ATPSCKMT: variants seen among roughly 807,000 people sequenced by gnomAD.
The protein encoded by ATPSCKMT is ATP synthase subunit C lysine N-methyltransferase.
ATPSCKMT carries 24 observed loss-of-function variants against 24.3 expected under a neutral mutation model. The ratio of observed to expected loss-of-function variants is 0.99; its 90% CI spans 0.71 to 1.39. The LOEUF (loss-of-function observed/expected upper bound fraction) is 1.39. Ranked by LOEUF, ATPSCKMT falls within the 40% of genes most tolerant of loss-of-function variation. The pLI, the probability that ATPSCKMT is intolerant of heterozygous loss-of-function variation, is 0.00. For synonymous variants in ATPSCKMT, 95 were observed against 110.5 expected (o/e 0.86, Z 0.88); for missense variants, 311 against 298.4 (o/e 1.04, Z -0.31).
chr5:10,228,358 T>A (rs957248921), intron 4 of ATPSCKMT, among the ~76,000 whole-genome samples: 14 of 152,246 alleles, frequency 9.2e-5, no homozygotes, highest in East Asian at 1.9e-4. Context: ...TCATAATTTT[T>A]AAAAATGTAT....
chr5:10,231,464 G>A (rs1201893429), intron 4 of ATPSCKMT, among the ~76,000 whole-genome samples: 1 of 151,934 alleles, frequency 6.6e-6, no homozygotes, highest in Non-Finnish European at 1.5e-5. Flanking sequence ...GCCCTTCCAA[G>A]GGCTGGTGTC....
At chr5:10,228,137 G>A (rs1050850119) in intron 4 of ATPSCKMT, among the ~76,000 whole-genome samples, 2 of 151,996 alleles carry the variant, frequency 1.3e-5, no homozygotes, top group Non-Finnish European at 2.9e-5. Context: ...GAGCCACTGC[G>A]CCCAGCCACA....
At chr5:10,249,760 C>T in intron 1 of ATPSCKMT, 98 bp downstream of exon 1, 3 of 1,486,308 alleles carry the variant, frequency 2.0e-6, no homozygotes, top group Non-Finnish European at 2.7e-6. Flanking sequence ...CACCCGGTCA[C>T]CGCCTCGACA....
At chr5:10,245,008 TTA>T (rs1266035616) in intron 1 of ATPSCKMT, among the ~76,000 whole-genome samples, 1 of 152,094 alleles carries the variant, frequency 6.6e-6, no homozygotes, top group African/African-American at 2.4e-5. Context: ...AGTACAGCAG[TTA>T]AGAGGATTTG....
intron 1 of ATPSCKMT, among the ~76,000 whole-genome samples, chr5:10,243,722 T>C (rs1434352576): frequency 1.3e-5 from 2 of 152,246 alleles, no homozygotes; most frequent in African/African-American, 4.8e-5. Context: ...AGTTAGGGCC[T>C]TGCTCTAGAT....
intron 4 of ATPSCKMT, among the ~76,000 whole-genome samples, chr5:10,230,503 C>T (rs1744079736): frequency 6.6e-6 from 1 of 152,128 alleles, no homozygotes; most frequent in Admixed American, 6.5e-5. Flanking sequence ...CTATTTCCAT[C>T]ATAAGAAATT....
At position 10,239,082 on chromosome 5, in the gene ATPSCKMT, ACTACC is replaced by A. The variant is rs1744503449; in HGVS notation, c.286_290del (p.Gly96TrpfsTer20). On this transcript the variant is annotated frameshift_variant, in exon 2 of 5. Transcript: ENST00000511437. LOFTEE classifies it high-confidence loss of function. ...CAGAACTCACAATGCGTCCGTCCCC[ACTACC>A]GATGTCCACAAGGGATCCTCTTCGG... The A allele has an allele frequency of 1.2e-6, 2 of 1,613,876 alleles. No individual in the cohort carries two copies. Among genetic ancestry groups the A allele is most frequent in the South Asian group, 2.2e-5 (2 of 91,080 alleles).
At chr5:10,234,189 G>C (rs548447180) in intron 4 of ATPSCKMT, among the ~76,000 whole-genome samples, 1 of 152,024 alleles carries the variant, frequency 6.6e-6, no homozygotes, top group South Asian at 2.1e-4. Context: ...TTAGCTGGGC[G>C]TGGTGGCAGG....
At chr5:10,239,435 A>T in intron 1 of ATPSCKMT, 79 bp from the exon 2 acceptor site, 1 of 1,245,202 alleles carries the variant, frequency 8.0e-7, no homozygotes, top group African/African-American at 1.5e-5. Flanking sequence ...TACAATTCTC[A>T]TTGGCAAACA....
chr5:10,249,567 G>A (rs571871373), intron 1 of ATPSCKMT: 3 of 399,600 alleles, frequency 7.5e-6, no homozygotes, highest in South Asian at 9.2e-5. Context: ...CCATCAGTGT[G>A]CCTCCACTAT....
At chr5:10,245,126 T>C (rs1390301148) in intron 1 of ATPSCKMT, among the ~76,000 whole-genome samples, 3 of 152,126 alleles carry the variant, frequency 2.0e-5, no homozygotes, top group African/African-American at 7.2e-5. Context: ...ATAATTTGTT[T>C]AAACACAATT....
chr5:10,236,915 G>T, intron 2 of ATPSCKMT: 1 of 1,375,760 alleles, frequency 7.3e-7, no homozygotes, highest in Non-Finnish European at 9.6e-7. Flanking sequence ...CCCCCGGGGA[G>T]GTCGAACAAA....
chr5:10,227,899 T>A (rs1269766725), intron 4 of ATPSCKMT, among the ~76,000 whole-genome samples: 1 of 152,260 alleles, frequency 6.6e-6, no homozygotes, highest in East Asian at 1.9e-4. Context: ...ATCATAGATT[T>A]ATAGTTTTCT....
rs777758696 is a variant in ATPSCKMT, at chr5:10,227,643, A to G, written c.500T>C (p.Leu167Pro). ...VVIFGVPQMM[L>P]QLEKKLEREL... ...ACGTTCAAGTTTCTTCTCCAACTGC[A>G]GCATCTGTGGAGAGTAACAGCTATT... The change falls in exon 5 of 5, where the codon CTG becomes CCG. Residue 167 changes from leucine to proline, a missense_variant. By Grantham distance (98) the Leu-to-Pro change is moderately conservative. Transcript: ENST00000511437. 6.2e-7 allele frequency: 1 copy of G among 1,614,046 alleles called. No homozygotes were observed. The highest frequency in any genetic ancestry group is 1.1e-5 in the South Asian group (1 of 91,078).
chr5:10,246,752 T>C (rs917956779), intron 1 of ATPSCKMT, among the ~76,000 whole-genome samples: 2 of 152,194 alleles, frequency 1.3e-5, no homozygotes, highest in African/African-American at 2.4e-5. Flanking sequence ...CAGCAAAAGA[T>C]GTAATAAAAA....
intron 1 of ATPSCKMT, chr5:10,249,592 A>G: frequency 2.2e-6 from 1 of 462,128 alleles, no homozygotes. Context: ...ATTCCTTAAG[A>G]TCGTGCCAAA....
chr5:10,239,101 G>C lies in ATPSCKMT; in HGVS notation c.272C>G (p.Ser91Cys). 1.9e-6 allele frequency: 3 copies of C among 1,614,154 alleles called. No homozygotes were observed. The highest frequency in any genetic ancestry group is 2.5e-6 in the Non-Finnish European group (3 of 1,180,040). Reference protein sequence around the residue: ...VVKMLRCRRGSLVDIGSGDGR... With the variant: ...VVKMLRCRRGCLVDIGSGDGR... ...GTCCCCACTACCGATGTCCACAAGG[G>C]ATCCTCTTCGGCATCGCAACATTTT... Residue 91 changes from serine to cysteine, a missense_variant, in exon 2 of 5, where the codon TCC becomes TGC. Physicochemically the swap from Ser to Cys is moderately radical, Grantham distance 112 (BLOSUM62 -1). Transcript: ENST00000511437.
intron 1 of ATPSCKMT, chr5:10,249,261 C>CCA (rs1745156847): frequency 1.1e-5 from 1 of 92,616 alleles, no homozygotes; most frequent in South Asian, 3.8e-4. Flanking sequence ...AGTCTTGTCT[C>CCA]AAAAAAAAAA....
At chr5:10,232,691 C>T (rs907753936) in intron 4 of ATPSCKMT, among the ~76,000 whole-genome samples, 4 of 152,164 alleles carry the variant, frequency 2.6e-5, no homozygotes, top group Admixed American at 2.0e-4. Flanking sequence ...GCAGCAATGG[C>T]GAGGTCCAGG....
Sources: gnomAD v4.1 joint callset for allele counts (sites outside exome capture counted in the v4.1 genomes callset) on GRCh38, gnomAD v4.1.1 for gene constraint, MANE v1.5 for transcripts, NCBI Gene and HGNC (gene_info 2026-07-23, HGNC 2026-07-21) for gene names.